The following PKNOX2 variants were observed in gnomAD, a reference collection of about 807,000 sequenced individuals.
PKNOX2 encodes the protein homeobox protein PKNOX2.
PKNOX2 carries 14 observed loss-of-function variants against 53.1 expected under a neutral mutation model. The ratio of observed to expected loss-of-function variants is 0.26; its 90% CI spans 0.17 to 0.41. PKNOX2 has a LOEUF of 0.41. PKNOX2 is among the 10% of genes least tolerant of loss of function. The pLI is 1.00. For synonymous variants in PKNOX2, 257 were observed against 242.8 expected (o/e 1.06, Z -0.54); for missense variants, 496 against 602.8 (o/e 0.82, Z 1.85).
At chr11:125,189,443 GTGTGTATA>G (rs1394442191) in intron 1 of PKNOX2, among the ~76,000 whole-genome samples, 23 of 56,660 alleles carry the variant, frequency 4.1e-4, no homozygotes, top group African/African-American at 9.5e-4. Context: ...GTGTGTGTGT[GTGTGTATA>G]TATATATATA....
Position 125,431,258 on chromosome 11 carries a change from T to C in PKNOX2, c.1285T>C (p.Leu429=), listed in dbSNP as rs377536771. ...QAMMAAHDDS[L]DGTEEEDEDE... is the part of the protein sequence containing the mutation. ...TATGATGGCTGCACACGATGACTCA[T>C]TGGATGGGACAGAAGAAGAGGATGA... The change falls in exon 13 of 13, where the codon TTG becomes CTG. Residue 429 remains leucine, a synonymous_variant. Coordinates refer to ENST00000298282, the MANE Select transcript of PKNOX2 (RefSeq NM_001382323.2). The C allele has an allele frequency of 1.2e-6, 2 of 1,613,446 alleles. No individual in the cohort carries two copies. The highest frequency in any genetic ancestry group is 1.3e-5 in the African/African-American group (1 of 74,896).
intron 1 of PKNOX2, among the ~76,000 whole-genome samples, chr11:125,178,426 G>A (rs994455743): frequency 6.6e-6 from 1 of 151,146 alleles, no homozygotes; most frequent in Non-Finnish European, 1.5e-5. Flanking sequence ...CAGGAGAATC[G>A]CTTGAACCCG....
chr11:125,210,787 C>T (rs74529707), intron 1 of PKNOX2, among the ~76,000 whole-genome samples: 2,697 of 152,138 alleles, frequency 0.018, 63 homozygotes, highest in South Asian at 0.027. Context: ...CTTCAAATTC[C>T]ACTGGGCAGA....
At chr11:125,243,660 TC>T (rs1254398747) in intron 2 of PKNOX2, among the ~76,000 whole-genome samples, 1 of 151,476 alleles carries the variant, frequency 6.6e-6, no homozygotes, top group Non-Finnish European at 1.5e-5. Flanking sequence ...TCTCGCTCTG[TC>T]GCCCAGGCTG....
At chr11:125,176,633 C>G (rs889584872) in intron 1 of PKNOX2, among the ~76,000 whole-genome samples, 1 of 152,206 alleles carries the variant, frequency 6.6e-6, no homozygotes, top group African/African-American at 2.4e-5. Flanking sequence ...CGCATGAACT[C>G]TAGTCACCTT....
chr11:125,291,809 C>CA (rs1476283105), intron 2 of PKNOX2, among the ~76,000 whole-genome samples: 4 of 151,782 alleles, frequency 2.6e-5, no homozygotes, highest in African/African-American at 9.7e-5. Flanking sequence ...GGAGAACAGA[C>CA]AAAAAAGGAC....
Position 125,177,800 on chromosome 11 carries a change from T to G in PKNOX2, c.-201+13024T>G, listed in dbSNP as rs564064622. 2.9e-4 allele frequency among the ~76,000 whole-genome samples: 44 copies of G among 152,258 alleles called. No homozygotes were observed. The South Asian group carries it at 9.1e-3, about 32-fold the overall frequency. ...AGCTAGAATGGCTGACTAAGGATCC[T>G]GAGCTGGCTGGGACAGCAATGTCAG... On this transcript the variant is annotated intron_variant, in intron 1 of 12. Coordinates refer to ENST00000298282, the MANE Select transcript of PKNOX2 (RefSeq NM_001382323.2).
At chr11:125,205,135 T>C (rs967045883) in intron 1 of PKNOX2, among the ~76,000 whole-genome samples, 2 of 152,266 alleles carry the variant, frequency 1.3e-5, no homozygotes, top group African/African-American at 2.4e-5. Flanking sequence ...CAGAAGATGC[T>C]CCATACATAT....
intron 2 of PKNOX2, among the ~76,000 whole-genome samples, chr11:125,241,249 C>T (rs920998791): frequency 3.3e-5 from 5 of 152,160 alleles, no homozygotes; most frequent in South Asian, 2.1e-4. Context: ...CCAACTATGC[C>T]GGATTGCTCA....
At chr11:125,331,327 C>T (rs1487734252) in intron 2 of PKNOX2, among the ~76,000 whole-genome samples, 1 of 152,160 alleles carries the variant, frequency 6.6e-6, no homozygotes, top group Non-Finnish European at 1.5e-5. Flanking sequence ...GCCCTGGACA[C>T]CTCCCCACCC....
At chr11:125,375,147 C>T (rs552549798) in intron 5 of PKNOX2, among the ~76,000 whole-genome samples, 7 of 152,272 alleles carry the variant, frequency 4.6e-5, no homozygotes, top group East Asian at 3.9e-4. Flanking sequence ...ACTCTATCAT[C>T]GGGCAAATCT....
intron 6 of PKNOX2, among the ~76,000 whole-genome samples, chr11:125,394,959 C>CGTGTGTGT (rs112812944): frequency 4.5e-4 from 67 of 149,604 alleles, no homozygotes; most frequent in African/African-American, 7.1e-4. Context: ...TACGTGCCCT[C>CGTGTGTGT]GTGTGTGTGT....
intron 2 of PKNOX2, among the ~76,000 whole-genome samples, chr11:125,249,037 A>G (rs1943799993): frequency 8.2e-6 from 1 of 122,488 alleles, no homozygotes; most frequent in Non-Finnish European, 1.8e-5. Context: ...TATAGTATAT[A>G]TAACCTATAT....
chr11:125,243,864 T>C (rs1420179496), intron 2 of PKNOX2, among the ~76,000 whole-genome samples: 3 of 152,168 alleles, frequency 2.0e-5, no homozygotes, highest in African/African-American at 7.2e-5. Flanking sequence ...CCTCGTAATC[T>C]GCCTGCCTTG....
chr11:125,419,852 G>A (rs536408317), intron 10 of PKNOX2, among the ~76,000 whole-genome samples: 16 of 146,418 alleles, frequency 1.1e-4, no homozygotes, highest in Middle Eastern at 3.6e-3. Context: ...GCAACATAGC[G>A]AGACCTCATC....
At chr11:125,193,202 T>A (rs1956983910) in intron 1 of PKNOX2, among the ~76,000 whole-genome samples, 1 of 152,234 alleles carries the variant, frequency 6.6e-6, no homozygotes, top group Non-Finnish European at 1.5e-5. Context: ...AGTTTTAGAA[T>A]AGCAATTACC....
At chr11:125,424,669 A>G (rs1199001836) in intron 10 of PKNOX2, among the ~76,000 whole-genome samples, 1 of 152,180 alleles carries the variant, frequency 6.6e-6, no homozygotes, top group African/African-American at 2.4e-5. Context: ...CTCAGTGTCT[A>G]TTGACACTGA....
chr11:125,376,080 A>G (rs1014096691), intron 5 of PKNOX2, among the ~76,000 whole-genome samples: 2 of 152,164 alleles, frequency 1.3e-5, no homozygotes, highest in African/African-American at 2.4e-5. Context: ...GATGCGTTTA[A>G]TGTGCCGGGA....
intron 1 of PKNOX2, among the ~76,000 whole-genome samples, chr11:125,179,582 G>A (rs796429619): frequency 5.9e-5 from 9 of 152,304 alleles, no homozygotes; most frequent in African/African-American, 1.9e-4. Context: ...GGGCAGAGTG[G>A]CGGGTCAGGC....
Sources: allele counts gnomAD v4.1 joint callset (sites outside exome capture counted in the v4.1 genomes callset), GRCh38; gene constraint gnomAD v4.1.1; transcripts MANE v1.5; gene names NCBI Gene and HGNC (gene_info 2026-07-23, HGNC 2026-07-21).